Variants in HHAT observed in about 807,000 individuals in gnomAD.
HHAT encodes the protein hedgehog acyltransferase.
A neutral mutation model predicts 70.8 loss-of-function variants in HHAT; 47 were observed. The observed-to-expected ratio is 0.66, with a 90% confidence interval of 0.53 to 0.85. The LOEUF (loss-of-function observed/expected upper bound fraction) is 0.85. Among genes scored for constraint, HHAT ranks in the 40% least tolerant of loss-of-function variants. The pLI, the probability that HHAT is intolerant of heterozygous loss-of-function variation, is 0.00. For missense variants in HHAT, 609 were observed against 604.8 expected, an observed-to-expected ratio of 1.01 and a Z score of -0.07; for synonymous variants, 228 against 247.6, an observed-to-expected ratio of 0.92 and a Z score of 0.74.
intron 10 of HHAT, among the ~76,000 whole-genome samples, chr1:210,591,076 C>T (rs949268037): frequency 3.9e-5 from 6 of 152,086 alleles, no homozygotes; most frequent in African/African-American, 1.4e-4. Context: ...ACAACCAATC[C>T]AATTATACTC....
chr1:210,378,792 C>T (rs1273652305), intron 3 of HHAT, among the ~76,000 whole-genome samples: 3 of 152,188 alleles, frequency 2.0e-5, no homozygotes, highest in African/African-American at 4.8e-5. Flanking sequence ...TTGGGTTGAC[C>T]TAGCTGGTGT....
intron 8 of HHAT, among the ~76,000 whole-genome samples, chr1:210,497,199 A>G (rs1473943143): frequency 2.0e-5 from 3 of 152,252 alleles, no homozygotes. Context: ...CCCTACTTAA[A>G]GGAATCTTGT....
chr1:210,364,478 T>C (rs1253777276), intron 3 of HHAT, among the ~76,000 whole-genome samples: 2 of 152,208 alleles, frequency 1.3e-5, no homozygotes, highest in South Asian at 2.1e-4. Flanking sequence ...ATTGGAAATA[T>C]AGAATTATTT....
intron 7 of HHAT, among the ~76,000 whole-genome samples, chr1:210,439,220 A>G (rs2093448540): frequency 2.6e-5 from 4 of 151,830 alleles, no homozygotes; most frequent in Admixed American, 2.6e-4. Flanking sequence ...TTATTTCTCA[A>G]ATTCTCAGTG....
intron 10 of HHAT, among the ~76,000 whole-genome samples, chr1:210,591,115 T>C (rs941926577): frequency 3.9e-5 from 6 of 152,168 alleles, no homozygotes; most frequent in Non-Finnish European, 8.8e-5. Flanking sequence ...ATGTAATAAT[T>C]GTTGACTGCA....
At chr1:210,521,475 T>G (rs2095157005) in intron 9 of HHAT, among the ~76,000 whole-genome samples, 1 of 152,226 alleles carries the variant, frequency 6.6e-6, no homozygotes, top group Admixed American at 6.5e-5. Context: ...AGAATTATTA[T>G]TTGGGCTAAA....
At chr1:210,524,188 A>T (rs1011818113) in intron 9 of HHAT, among the ~76,000 whole-genome samples, 4 of 152,256 alleles carry the variant, frequency 2.6e-5, no homozygotes, top group African/African-American at 9.6e-5. Context: ...TGTAGTTATC[A>T]GTACTGTATG....
chr1:210,381,759 G>A (rs2090655211), intron 3 of HHAT, among the ~76,000 whole-genome samples: 1 of 152,092 alleles, frequency 6.6e-6, no homozygotes, highest in Admixed American at 6.5e-5. Context: ...GTCATGGACT[G>A]ATTACAAAAA....
chr1:210,424,433 T>C (rs1195849940), intron 7 of HHAT, among the ~76,000 whole-genome samples: 1 of 143,968 alleles, frequency 6.9e-6, no homozygotes, highest in African/African-American at 2.5e-5. Flanking sequence ...TTAGGTTTTT[T>C]TTCTTTTTTT....
chr1:210,520,613 G>A (rs2095142038), intron 9 of HHAT, among the ~76,000 whole-genome samples: 1 of 151,830 alleles, frequency 6.6e-6, no homozygotes, highest in Non-Finnish European at 1.5e-5. Context: ...CTTAACTTTG[G>A]GCATATGACT....
chr1:210,566,372 A>G (rs1654748130), intron 9 of HHAT, among the ~76,000 whole-genome samples: 1 of 152,172 alleles, frequency 6.6e-6, no homozygotes. Flanking sequence ...AATACTGGGC[A>G]GAAGAGGGTG....
intron 3 of HHAT, among the ~76,000 whole-genome samples, chr1:210,386,604 C>T (rs1046473255): frequency 9.2e-5 from 14 of 152,174 alleles, no homozygotes; most frequent in African/African-American, 3.4e-4. Flanking sequence ...CCCCCTCCAT[C>T]CTGGTAGTGC....
At chr1:210,647,918 T>C (rs1294382520) in intron 11 of HHAT, among the ~76,000 whole-genome samples, 3 of 152,226 alleles carry the variant, frequency 2.0e-5, no homozygotes, top group Non-Finnish European at 4.4e-5. Context: ...GCTTTAAATC[T>C]GCAATGGCAG....
intron 7 of HHAT, among the ~76,000 whole-genome samples, chr1:210,423,687 G>T (rs1170359380): frequency 1.3e-5 from 2 of 152,114 alleles, no homozygotes; most frequent in Non-Finnish European, 2.9e-5. Context: ...TATTGCTTCA[G>T]GTATACACAT....
intron 9 of HHAT, among the ~76,000 whole-genome samples, chr1:210,574,018 T>G (rs1287412640): frequency 6.6e-6 from 1 of 151,854 alleles, no homozygotes; most frequent in East Asian, 1.9e-4. Context: ...TCTGGTGGAG[T>G]AAGAAGGGAA....
intron 9 of HHAT, among the ~76,000 whole-genome samples, chr1:210,536,849 C>A (rs144220077): frequency 2.0e-5 from 3 of 150,452 alleles, no homozygotes; most frequent in Admixed American, 6.6e-5. Context: ...TGTTTAACAG[C>A]GTCTCGGGCC....
At chr1:210,397,496 A>G (rs1237042061) in intron 4 of HHAT, among the ~76,000 whole-genome samples, 1 of 152,132 alleles carries the variant, frequency 6.6e-6, no homozygotes, top group East Asian at 1.9e-4. Context: ...TGGGGAAAAA[A>G]ATCTGAAAGC....
At position 210,404,612 on chromosome 1, in the gene HHAT, CCTATGTCTTTTATTAT is replaced by C; in HGVS notation, c.619_634del (p.Tyr207GlnfsTer26). ...TCCTACTCCTTTCCCTGGATGCTGG[CCTATGTCTTTTATTAT>C]CCAGTCTTACACAATGGGCCCATCC... On this transcript the variant is annotated frameshift_variant, in exon 6 of 12. Transcript: ENST00000261458. LOFTEE classifies it high-confidence loss of function. 1.2e-6 allele frequency: 2 copies of C among 1,614,164 alleles called. No homozygotes were observed. Among genetic ancestry groups the C allele is most frequent in the Non-Finnish European group, 1.7e-6 (2 of 1,180,026 alleles).
At chr1:210,444,682 C>G (rs1050320424) in intron 7 of HHAT, among the ~76,000 whole-genome samples, 1 of 152,160 alleles carries the variant, frequency 6.6e-6, no homozygotes, top group South Asian at 2.1e-4. Flanking sequence ...TCTGCACACA[C>G]ACACATTTTT....
Sources: allele counts gnomAD v4.1 joint callset (sites outside exome capture counted in the v4.1 genomes callset), GRCh38; gene constraint gnomAD v4.1.1; transcripts MANE v1.5; gene names NCBI Gene and HGNC (gene_info 2026-07-23, HGNC 2026-07-21).